DLGAP2: variants seen among roughly 807,000 people sequenced by gnomAD.
DLGAP2 encodes the protein disks large-associated protein 2.
Under a neutral mutation model 100.3 loss-of-function variants are expected in DLGAP2, and 26 were observed. The observed-to-expected ratio is 0.26, with a 90% CI of 0.19 to 0.36. The LOEUF is 0.36. Ranked by LOEUF, DLGAP2 falls within the 10% of genes least tolerant of loss-of-function variation. The pLI is 1.00. For synonymous variants in DLGAP2, 886 were observed against 630.1 expected (o/e 1.41, Z -6.08); for missense variants, 1,858 against 1,453.2 (o/e 1.28, Z -4.53).
chr8:931,038 C>T (rs1485164940), intron 2 of DLGAP2, among the ~76,000 whole-genome samples: 1 of 151,876 alleles, frequency 6.6e-6, no homozygotes, highest in East Asian at 1.9e-4. Context: ...TTGTCTTCGT[C>T]AAATGATTTC....
intron 1 of DLGAP2, among the ~76,000 whole-genome samples, chr8:841,998 G>A (rs1341698966): frequency 2.6e-5 from 4 of 152,176 alleles, no homozygotes; most frequent in African/African-American, 9.7e-5. Context: ...ACTGCCACCA[G>A]TGTGACTACG....
In DLGAP2 at chr8:1,380,484, G is replaced by C. The variant is rs866294262; in HGVS notation, c.107-120882G>C. 3.9e-5 allele frequency among the ~76,000 whole-genome samples: 6 copies of C among 152,328 alleles called. 1 individual carries two copies. In the Middle Eastern group the frequency reaches 0.02, roughly 518 times the overall value. On this transcript the variant is annotated intron_variant, in intron 3 of 14. Transcript: ENST00000637795. ...AAAACTCACCCCTCCAGTTGCCAGAGATGCTCAGCTGCACAAAAGACTTGT... is the reference window on the plus strand; with the variant it reads ...AAAACTCACCCCTCCAGTTGCCAGACATGCTCAGCTGCACAAAAGACTTGT...
intron 6 of DLGAP2, among the ~76,000 whole-genome samples, chr8:1,571,151 T>G (rs183490664): frequency 3.0e-4 from 26 of 85,250 alleles, no homozygotes; most frequent in African/African-American, 4.7e-4. Flanking sequence ...GGGGGCATCT[T>G]CTGGGATGGA....
chr8:931,630 C>T (rs1798960951), intron 2 of DLGAP2, among the ~76,000 whole-genome samples: 2 of 152,174 alleles, frequency 1.3e-5, no homozygotes, highest in South Asian at 4.1e-4. Flanking sequence ...CATTTGTTCT[C>T]TGGAACCCTT....
At chr8:788,688 C>G (rs1304085866) in intron 1 of DLGAP2, among the ~76,000 whole-genome samples, 1 of 152,212 alleles carries the variant, frequency 6.6e-6, no homozygotes, top group Non-Finnish European at 1.5e-5. Flanking sequence ...GCTGTTCTGT[C>G]CTCCTTCCTG....
rs574312473 is a variant in DLGAP2, at chr8:1,548,858, C to T, written c.405C>T (p.Cys135=). 6 of 1,584,776 alleles carry T rather than the reference C, an allele frequency of 3.8e-6. No individual in the cohort carries two copies. Among genetic ancestry groups the T allele is most frequent in the Non-Finnish European group, 4.3e-6 (5 of 1,170,036 alleles). ...GCTGCCCCGGGGGGCGCCACCGCTG[C>T]TCGCCGCGCAGCTCGGTGCACTCGG... ...ADSCPGGRHR[C]SPRSSVHSEC... The change falls in exon 5 of 15, where the codon TGC becomes TGT. Residue 135 remains cysteine, a synonymous_variant. Transcript: ENST00000637795.
At chr8:1,113,218 G>GT (rs922534898) in intron 2 of DLGAP2, among the ~76,000 whole-genome samples, 6 of 152,046 alleles carry the variant, frequency 3.9e-5, no homozygotes, top group Admixed American at 1.3e-4. Context: ...TTTTACAATA[G>GT]TTTTTTTCTA....
At chr8:1,479,695 C>A (rs1384018626) in intron 3 of DLGAP2, among the ~76,000 whole-genome samples, 1 of 152,106 alleles carries the variant, frequency 6.6e-6, no homozygotes, top group Non-Finnish European at 1.5e-5. Flanking sequence ...GGTTGGCCAA[C>A]CGTAAGATGA....
intron 1 of DLGAP2, among the ~76,000 whole-genome samples, chr8:748,400 C>T (rs1003647662): frequency 1.3e-5 from 2 of 152,170 alleles, no homozygotes; most frequent in Admixed American, 6.5e-5. Flanking sequence ...AGCTCAGCCG[C>T]ATGCTCCACG....
At chr8:1,546,525 C>T (rs566471129) in intron 4 of DLGAP2, among the ~76,000 whole-genome samples, 17 of 152,370 alleles carry the variant, frequency 1.1e-4, no homozygotes, top group African/African-American at 3.4e-4. Context: ...AAATCTGCGA[C>T]GTTTTGAGGC....
At chr8:1,522,583 A>G (rs1183068014) in intron 4 of DLGAP2, among the ~76,000 whole-genome samples, 1 of 152,220 alleles carries the variant, frequency 6.6e-6, no homozygotes, top group African/African-American at 2.4e-5. Context: ...TCAGTGAAGC[A>G]GGACGCACAG....
chr8:1,699,855 A>C (rs1179796702), intron 14 of DLGAP2, among the ~76,000 whole-genome samples: 1 of 152,236 alleles, frequency 6.6e-6, no homozygotes, highest in African/African-American at 2.4e-5. Flanking sequence ...CCCACAGGAA[A>C]TACTGATGTG....
At chr8:1,202,410 G>A (rs1046169023) in intron 2 of DLGAP2, among the ~76,000 whole-genome samples, 5 of 152,112 alleles carry the variant, frequency 3.3e-5, no homozygotes, top group African/African-American at 9.7e-5. Context: ...TGGGGCGTGT[G>A]TGAGCCCTCA....
chr8:1,485,550 G>A (rs17681222), intron 3 of DLGAP2, among the ~76,000 whole-genome samples: 15,248 of 152,298 alleles, frequency 0.1, 1,034 homozygotes, highest in Non-Finnish European at 0.14. Context: ...TGTGTCCCAC[G>A]TTGCGTCCAT....
At chr8:1,466,523 TTG>T (rs10537891) in intron 3 of DLGAP2, among the ~76,000 whole-genome samples, 123,024 of 148,584 alleles carry the variant, frequency 0.83, 50,340 homozygotes, top group South Asian at 0.84. Context: ...ACATCTCAAT[TTG>T]TGTGTGTGTG....
At chr8:1,331,373 G>C (rs1253665582) in intron 3 of DLGAP2, among the ~76,000 whole-genome samples, 2 of 151,946 alleles carry the variant, frequency 1.3e-5, no homozygotes, top group African/African-American at 4.8e-5. Flanking sequence ...TAGTGGGCAG[G>C]TCGCTGGCCT....
At chr8:1,696,920 G>A (rs530038365) in intron 13 of DLGAP2, among the ~76,000 whole-genome samples, 27 of 152,324 alleles carry the variant, frequency 1.8e-4, no homozygotes, top group African/African-American at 6.0e-4. Flanking sequence ...TTTTCAACGT[G>A]GAACAATGAA....
intron 7 of DLGAP2, among the ~76,000 whole-genome samples, chr8:1,628,146 A>G (rs112040022): frequency 3.0e-4 from 25 of 82,468 alleles, no homozygotes; most frequent in South Asian, 1.2e-3. Context: ...GTGGAGCAGG[A>G]ATTAAGAGCC....
At chr8:1,267,253 TA>T (rs869226785) in intron 3 of DLGAP2, among the ~76,000 whole-genome samples, 14 of 90,640 alleles carry the variant, frequency 1.5e-4, no homozygotes, top group East Asian at 3.1e-4. Context: ...ATAAATAAAA[TA>T]AAATAAAATA....
Sources: allele counts gnomAD v4.1 joint callset (sites outside exome capture counted in the v4.1 genomes callset), GRCh38; gene constraint gnomAD v4.1.1; transcripts MANE v1.5; gene names NCBI Gene and HGNC (gene_info 2026-07-23, HGNC 2026-07-21).